The following MC2R variants were observed in gnomAD, a reference collection of about 807,000 sequenced individuals.
The protein encoded by MC2R is adrenocorticotropic hormone receptor.
A neutral mutation model predicts 9.8 loss-of-function variants in MC2R; 9 were observed. The observed-to-expected ratio is 0.92, with a 90% CI of 0.55 to 1.60. The LOEUF is 1.60. Ranked by LOEUF, MC2R falls within the 40% of genes most tolerant of loss-of-function variation. The probability of loss-of-function intolerance (pLI) is 0.00; values close to 1 mark genes in which losing one functional copy is unlikely to be tolerated. For missense variants in MC2R, 370 were observed against 389.0 expected, an observed-to-expected ratio of 0.95 and a Z score of 0.41; for synonymous variants, 185 against 154.7, an observed-to-expected ratio of 1.20 and a Z score of -1.45.
chr18:13,906,660 G>A (rs1034896199), intron 1 of MC2R, among the ~76,000 whole-genome samples: 2 of 152,190 alleles, frequency 1.3e-5, no homozygotes, highest in Non-Finnish European at 2.9e-5. Flanking sequence ...AAAACTGTGA[G>A]AGCTGACAAA....
At chr18:13,893,578 C>A (rs1306754788) in intron 1 of MC2R, among the ~76,000 whole-genome samples, 2 of 152,206 alleles carry the variant, frequency 1.3e-5, no homozygotes, top group African/African-American at 4.8e-5. Context: ...AATCACCAAG[C>A]TTTCACTTCC....
At position 13,887,166 on chromosome 18, in the gene MC2R, C is replaced by T. The variant is rs549344902; in HGVS notation, c.-128-1520G>A. 1.0e-4 allele frequency among the ~76,000 whole-genome samples: 14 copies of T among 137,746 alleles called. No homozygotes were observed. In the South Asian group the frequency reaches 3.1e-3, roughly 30 times the overall value. 90.4% of individuals were successfully genotyped at this position (137,746 alleles called of 152,430 possible). A position where few individuals can be genotyped will look rare whatever the true frequency, so the allele number is the denominator to read the frequency against. On this transcript the variant is annotated intron_variant, in intron 1 of 1. Transcript: ENST00000327606. Reference sequence around the variant, plus strand: ...TGTGTCCCACCTGCTGGGGAAGCCTCGGGGATGGGAGGGGAAGCCTGTGTG... The same window carrying T: ...TGTGTCCCACCTGCTGGGGAAGCCTTGGGGATGGGAGGGGAAGCCTGTGTG...
At chr18:13,896,247 G>A (rs903816005) in intron 1 of MC2R, among the ~76,000 whole-genome samples, 2 of 152,162 alleles carry the variant, frequency 1.3e-5, no homozygotes, top group African/African-American at 2.4e-5. Flanking sequence ...GATTTCTGGG[G>A]TTCCATTTGG....
In MC2R at chr18:13,882,954, C is replaced by G. The variant is rs1026903106; in HGVS notation, c.*1671G>C. ...CAGAACAGAGGACAAGAAGGTGCAC[C>G]TTTCACCTCCATCTGTGGGACAGGC... is the stretch of plus-strand genomic sequence containing the variant. On this transcript the variant is annotated 3_prime_UTR_variant, in exon 2 of 2. Coordinates refer to ENST00000327606, the MANE Select transcript of MC2R (RefSeq NM_000529.2). 6.6e-6 allele frequency: 1 copy of G among 152,136 alleles called. No homozygotes were observed. Among genetic ancestry groups the G allele is most frequent in the African/African-American group, 2.4e-5 (1 of 41,424 alleles). The allele number at this position is 152,136 out of a possible 1,614,324, so 9.4% of individuals were successfully genotyped here.
At chr18:13,894,355 G>T (rs906766627) in intron 1 of MC2R, among the ~76,000 whole-genome samples, 2 of 152,144 alleles carry the variant, frequency 1.3e-5, no homozygotes, top group African/African-American at 4.8e-5. Context: ...GCTTTTCGTG[G>T]AAGTTAATTT....
intron 1 of MC2R, among the ~76,000 whole-genome samples, chr18:13,890,849 C>T (rs1392496072): frequency 1.3e-5 from 2 of 151,464 alleles, no homozygotes; most frequent in African/African-American, 4.9e-5. Context: ...CATGTCTTCT[C>T]TCAGTCGTTA....
Position 13,885,231 on chromosome 18 carries a change from GCCACGT to G in MC2R, c.282_287del (p.Arg95_Gly96del). 1.2e-6 allele frequency: 2 copies of G among 1,614,150 alleles called. No homozygotes were observed. The highest frequency in any genetic ancestry group is 1.7e-6 in the Non-Finnish European group (2 of 1,180,028). ...TGTCATCGGCTGTGGTTTCAAAACT[GCCACGT>G]GGCTTGAGATAGCCCATGTTTCTCA... On this transcript the variant is annotated inframe_deletion, in exon 2 of 2. Coordinates refer to ENST00000327606, the MANE Select transcript of MC2R (RefSeq NM_000529.2).
rs199950178 is a variant in MC2R at position 13,885,095 on chromosome 18, C to T, written c.424G>A (p.Val142Met). 19 of 1,614,134 alleles carry T rather than the reference C, an allele frequency of 1.2e-5. No homozygotes were observed. The East Asian group carries it at 1.8e-4, about 15-fold the overall frequency. Reference protein sequence around the residue: ...IFHALRYHSIVTMRRTVVVLT... With the variant: ...IFHALRYHSIMTMRRTVVVLT... ...ACCACCACAGTGCGGCGCATGGTCACGATGCTGTGGTACCGCAGTGCGTGG... is the reference window on the plus strand; with the variant it reads ...ACCACCACAGTGCGGCGCATGGTCATGATGCTGTGGTACCGCAGTGCGTGG... The change falls in exon 2 of 2, where the codon GTG becomes ATG. Residue 142 changes from valine (V) to methionine (M), a missense_variant. By Grantham distance (21) the Val-to-Met change is conservative. Transcript: ENST00000327606.
rs149640024 is a variant in MC2R at position 13,907,393 on chromosome 18, A to G, written c.-129+8095T>C. On this transcript the variant is annotated intron_variant, in intron 1 of 1. Transcript: ENST00000327606. The stretch of plus-strand genomic sequence containing the variant: ...AAATCAAGATGGATTAAAGACTTAA[A>G]TCTAAGACCCGAAACTATGAAACTA... 5.4e-3 allele frequency among the ~76,000 whole-genome samples: 819 copies of G among 152,364 alleles called. 6 individuals carry two copies. Among genetic ancestry groups the G allele is most frequent in the Non-Finnish European group, 9.0e-3 (615 of 68,038 alleles).
chr18:13,892,507 G>A (rs932887212), intron 1 of MC2R, among the ~76,000 whole-genome samples: 9 of 152,174 alleles, frequency 5.9e-5, no homozygotes, highest in African/African-American at 1.7e-4. Flanking sequence ...GGTGGCGGAT[G>A]AGCCCAGCTC....
chr18:13,886,674 C>G (rs2045278227), intron 1 of MC2R, among the ~76,000 whole-genome samples: 1 of 152,188 alleles, frequency 6.6e-6, no homozygotes, highest in East Asian at 1.9e-4. Context: ...AGGTGGAGCT[C>G]CTGGGACTGG....
At chr18:13,904,270 A>G (rs2045398260) in intron 1 of MC2R, among the ~76,000 whole-genome samples, 1 of 150,664 alleles carries the variant, frequency 6.6e-6, no homozygotes, top group Non-Finnish European at 1.5e-5. Flanking sequence ...AGTCCCAGCT[A>G]CTCCGGAGGC....
chr18:13,895,540 A>C (rs979694345), intron 1 of MC2R, among the ~76,000 whole-genome samples: 3 of 152,172 alleles, frequency 2.0e-5, no homozygotes, highest in African/African-American at 7.2e-5. Context: ...ATTCAGCAGG[A>C]AGGGGCAGGC....
rs1443578962 is a variant in MC2R, at chr18:13,901,919, GAC to G, written c.-129+13567_-129+13568del. ...TACCCTGACACCAAAAACAGACAAA[GAC>G]ACATCAAAAAAAGAAAACTATAGGC... On this transcript the variant is annotated intron_variant, in intron 1 of 1. Transcript: ENST00000327606. Among the ~76,000 whole-genome samples, 3 of 151,992 alleles carry G rather than the reference GAC, an allele frequency of 2.0e-5. No homozygotes were observed. The East Asian group carries it at 5.8e-4, about 29-fold the overall frequency.
chr18:13,899,473 T>C (rs1422989498), intron 1 of MC2R, among the ~76,000 whole-genome samples: 3 of 151,950 alleles, frequency 2.0e-5, no homozygotes, highest in African/African-American at 7.3e-5. Flanking sequence ...AACAGAGAAC[T>C]CCCCAAACCT....
At chr18:13,908,267 C>T (rs928994028) in intron 1 of MC2R, among the ~76,000 whole-genome samples, 1 of 152,218 alleles carries the variant, frequency 6.6e-6, no homozygotes, top group Non-Finnish European at 1.5e-5. Flanking sequence ...TGAAATAAAG[C>T]AAGCACAGAA....
chr18:13,902,087 A>G (rs1024876818), intron 1 of MC2R, among the ~76,000 whole-genome samples: 11 of 150,110 alleles, frequency 7.3e-5, no homozygotes, highest in Admixed American at 3.3e-4. Context: ...AGGATGGCTT[A>G]ACATATGCAA....
At position 13,898,377 on chromosome 18, in the gene MC2R, T is replaced by G. The variant is rs527335134; in HGVS notation, c.-128-12731A>C. On this transcript the variant is annotated intron_variant, in intron 1 of 1. Transcript: ENST00000327606. ...ACAGACAATAGAACACTAGGTAGAC[T>G]TCTAAGGTTTGTCACTCTAGTCCCT... 4.8e-4 allele frequency among the ~76,000 whole-genome samples: 73 copies of G among 152,306 alleles called. No homozygotes were observed. In the Middle Eastern group the frequency reaches 0.014, roughly 28 times the overall value.
intron 1 of MC2R, among the ~76,000 whole-genome samples, chr18:13,911,906 A>G (rs1281012604): frequency 6.6e-6 from 1 of 152,168 alleles, no homozygotes; most frequent in Non-Finnish European, 1.5e-5. Flanking sequence ...GCCTATGAAC[A>G]TCTAGCTGAG....
Sources: gnomAD v4.1 joint callset for allele counts (sites outside exome capture counted in the v4.1 genomes callset) on GRCh38, gnomAD v4.1.1 for gene constraint, MANE v1.5 for transcripts, NCBI Gene and HGNC (gene_info 2026-07-23, HGNC 2026-07-21) for gene names.